CTNNA2: variants seen among roughly 807,000 people sequenced by gnomAD.
The protein encoded by CTNNA2 is catenin alpha-2.
In CTNNA2, 42 loss-of-function variants were observed where a neutral mutation model predicts 101.0. The observed-to-expected ratio is 0.42, with a 90% confidence interval of 0.32 to 0.54. CTNNA2 has a LOEUF of 0.54. Among genes scored for constraint, CTNNA2 ranks in the 20% least tolerant of loss-of-function variants. The probability of loss-of-function intolerance (pLI) is 0.14; values close to 1 mark genes in which losing one functional copy is unlikely to be tolerated. For missense variants in CTNNA2, 871 were observed against 1,223.1 expected (o/e 0.71, Z 4.29); for synonymous variants, 450 against 456.4 (o/e 0.99, Z 0.18).
chr2:79,307,491 C>T (rs1325797431), intron 2 of CTNNA2, among the ~76,000 whole-genome samples: 1 of 152,054 alleles, frequency 6.6e-6, no homozygotes, highest in African/African-American at 2.4e-5. Context: ...CTTTCTGTTC[C>T]TTGCTTATTT....
intron 4 of CTNNA2, among the ~76,000 whole-genome samples, chr2:79,500,025 G>A (rs960554479): frequency 6.6e-6 from 1 of 152,102 alleles, no homozygotes; most frequent in African/African-American, 2.4e-5. Flanking sequence ...ATTGGATGAG[G>A]ACCACCCACA....
intron 7 of CTNNA2, among the ~76,000 whole-genome samples, chr2:80,050,330 G>A (rs1696796297): frequency 6.6e-6 from 1 of 152,190 alleles, no homozygotes; most frequent in Non-Finnish European, 1.5e-5. Flanking sequence ...TTCACTTACT[G>A]AGTCAGCGTG....
rs548077557 is a variant in CTNNA2 at position 80,275,153 on chromosome 2, C to T, written c.1057-118058C>T. ...AATAACCTCCCTTAAGTCAAACCCC[C>T]GTGACCTCTTGGTCACATGAAGATG... is the stretch of plus-strand genomic sequence containing the variant. On this transcript the variant is annotated intron_variant, in intron 7 of 18. Coordinates refer to ENST00000402739, the MANE Select transcript of CTNNA2 (RefSeq NM_001282597.3). 3.9e-5 allele frequency among the ~76,000 whole-genome samples: 6 copies of T among 152,218 alleles called. No homozygotes were observed. The South Asian group carries it at 6.2e-4, about 16-fold the overall frequency.
chr2:80,065,017 G>A (rs191846988), intron 7 of CTNNA2, among the ~76,000 whole-genome samples: 1 of 152,260 alleles, frequency 6.6e-6, no homozygotes, highest in African/African-American at 2.4e-5. Flanking sequence ...TAGTGCAAAT[G>A]CAAGTTTATC....
chr2:79,416,863 AAC>A (rs1316388385), intron 4 of CTNNA2, among the ~76,000 whole-genome samples: 2 of 152,214 alleles, frequency 1.3e-5, no homozygotes, highest in Admixed American at 6.6e-5. Flanking sequence ...AATTTCTTCT[AAC>A]ACATAACTTC....
chr2:80,084,198 G>T (rs1433749427), intron 7 of CTNNA2, among the ~76,000 whole-genome samples: 1 of 152,140 alleles, frequency 6.6e-6, no homozygotes, highest in African/African-American at 2.4e-5. Context: ...GAACTATTGA[G>T]AAGTTGACAC....
At chr2:79,642,778 G>GTT (rs35537092) in intron 1 of CTNNA2, among the ~76,000 whole-genome samples, 2 of 144,992 alleles carry the variant, frequency 1.4e-5, no homozygotes, top group Non-Finnish European at 1.5e-5. Context: ...GATTTCTCCT[G>GTT]TTTTTTTTTT....
chr2:80,418,413 G>A (rs1384750782), intron 8 of CTNNA2, among the ~76,000 whole-genome samples: 1 of 152,164 alleles, frequency 6.6e-6, no homozygotes, highest in Non-Finnish European at 1.5e-5. Context: ...TGTCAAATGA[G>A]TATGTGGGAG....
intron 7 of CTNNA2, chr2:80,028,009 AAAT>A (rs1695047139): frequency 6.6e-6 from 1 of 151,478 alleles, no homozygotes; most frequent in African/African-American, 2.4e-5. Context: ...AAAGTAAAAG[AAAT>A]AAAAGAAATA....
chr2:80,543,298 T>C (rs1281684269), intron 9 of CTNNA2, among the ~76,000 whole-genome samples: 1 of 152,230 alleles, frequency 6.6e-6, no homozygotes, highest in African/African-American at 2.4e-5. Context: ...CGTTGGTTCC[T>C]GCCCCACATC....
At chr2:80,458,998 A>G (rs554407462) in intron 9 of CTNNA2, among the ~76,000 whole-genome samples, 2 of 152,296 alleles carry the variant, frequency 1.3e-5, no homozygotes, top group African/African-American at 4.8e-5. Flanking sequence ...TAACTTTTCT[A>G]TGTTTAGATA....
intron 2 of CTNNA2, among the ~76,000 whole-genome samples, chr2:79,689,839 T>C (rs942086550): frequency 2.0e-5 from 3 of 152,024 alleles, no homozygotes; most frequent in African/African-American, 7.2e-5. Context: ...ATTTGAATCA[T>C]AGTTTTAACA....
rs1676649124 is a variant in CTNNA2, at chr2:80,303,977, C to A, written c.1057-89234C>A. On this transcript the variant is annotated intron_variant, in intron 7 of 18. Coordinates refer to ENST00000402739, the MANE Select transcript of CTNNA2 (RefSeq NM_001282597.3). The surrounding 1 kb of genome is among the most constrained non-coding windows in gnomAD (Gnocchi z 7.7). ...TAGAAATAAAGAAGGACCCCCCTCC[C>A]CAAAAACCACACGTTCACCTCTAAG... 2 of 807,866 alleles carry A rather than the reference C, an allele frequency of 2.5e-6. No homozygotes were observed. The highest frequency in any genetic ancestry group is 1.8e-6 in the Non-Finnish European group (1 of 551,260). The allele number at this position is 807,866 out of a possible 1,614,324, so 50.0% of individuals were successfully genotyped here. A position where few individuals can be genotyped will look rare whatever the true frequency, so the allele number is the denominator to read the frequency against.
At chr2:80,378,138 C>T (rs1409373323) in intron 7 of CTNNA2, among the ~76,000 whole-genome samples, 6 of 151,960 alleles carry the variant, frequency 3.9e-5, no homozygotes, top group African/African-American at 7.3e-5. Context: ...GGGCGAATCA[C>T]GAGGTCAGGA....
intron 9 of CTNNA2, among the ~76,000 whole-genome samples, chr2:80,437,686 C>T (rs1682163941): frequency 6.6e-6 from 1 of 152,172 alleles, no homozygotes; most frequent in Non-Finnish European, 1.5e-5. Flanking sequence ...TATTCATTTG[C>T]TAGAGCTGCC....
intron 7 of CTNNA2, chr2:80,301,958 T>C: frequency 3.3e-6 from 1 of 303,062 alleles, no homozygotes; most frequent in Non-Finnish European, 6.0e-6. Context: ...TTTTACACTC[T>C]CAGATTCCTG....
intron 3 of CTNNA2, among the ~76,000 whole-genome samples, chr2:79,767,784 G>T (rs1673271007): frequency 6.6e-6 from 1 of 151,670 alleles, no homozygotes; most frequent in African/African-American, 2.4e-5. Context: ...GCCCTATCCT[G>T]CTGTGGCTGA....
rs147153956 is a variant in CTNNA2, at chr2:80,572,483, G to A, written c.1742-1680G>A. Among the ~76,000 whole-genome samples, 1,233 of 152,188 alleles carry A rather than the reference G, an allele frequency of 8.1e-3. 16 individuals are homozygous for A. The highest frequency in any genetic ancestry group is 0.029 in the African/African-American group (1,199 of 41,520). On this transcript the variant is annotated intron_variant, in intron 12 of 18. Coordinates refer to ENST00000402739, the MANE Select transcript of CTNNA2 (RefSeq NM_001282597.3). ...ACATAGAACTATAACATCACTGATG[G>A]TCATACTTATGGCAACGTAGACACC...
intron 7 of CTNNA2, among the ~76,000 whole-genome samples, chr2:80,256,145 A>G (rs1189456811): frequency 6.6e-6 from 1 of 152,066 alleles, no homozygotes; most frequent in Non-Finnish European, 1.5e-5. Context: ...TTCCTTTGTC[A>G]AAGGAGGGAA....
Sources: allele counts gnomAD v4.1 joint callset (sites outside exome capture counted in the v4.1 genomes callset), GRCh38; gene constraint gnomAD v4.1.1; non-coding constraint Gnocchi (gnomAD v3.1); transcripts MANE v1.5; gene names NCBI Gene and HGNC (gene_info 2026-07-23, HGNC 2026-07-21).